Variants in POU2F3 observed in about 807,000 individuals in gnomAD.
POU2F3 encodes the protein POU domain, class 2, transcription factor 3.
Under a neutral mutation model 59.2 loss-of-function variants are expected in POU2F3, and 23 were observed. The observed-to-expected ratio is 0.39, with a 90% CI of 0.28 to 0.55. The LOEUF is 0.55. Among genes scored for constraint, POU2F3 ranks in the 20% least tolerant of loss-of-function variants. The pLI, the probability that POU2F3 is intolerant of heterozygous loss-of-function variation, is 0.66. For synonymous variants in POU2F3, 190 were observed against 214.6 expected, an observed-to-expected ratio of 0.89 and a Z score of 1.00; for missense variants, 473 against 544.5, an observed-to-expected ratio of 0.87 and a Z score of 1.31.
chr11:120,236,732 T>A (rs758903680), upstream of POU2F3: 5 of 1,457,264 alleles, frequency 3.4e-6, no homozygotes, highest in Non-Finnish European at 4.7e-6. Context: ...TACGTTCCCA[T>A]TCTAGCTCAT....
intron 9 of POU2F3, among the ~76,000 whole-genome samples, chr11:120,309,128 C>A (rs1385364935): frequency 6.6e-6 from 1 of 152,022 alleles, no homozygotes; most frequent in South Asian, 2.1e-4. Flanking sequence ...TCTATGGAGA[C>A]CCTACTTTGT....
intron 2 of POU2F3, among the ~76,000 whole-genome samples, chr11:120,261,061 G>A (rs934740219): frequency 6.6e-6 from 1 of 151,710 alleles, no homozygotes; most frequent in African/African-American, 2.4e-5. Flanking sequence ...GTGAGACATT[G>A]TCTCAAAAAA....
chr11:120,282,473 T>C (rs560744090), intron 3 of POU2F3, among the ~76,000 whole-genome samples: 4 of 152,248 alleles, frequency 2.6e-5, no homozygotes, highest in African/African-American at 9.6e-5. Flanking sequence ...CTGGCCAACA[T>C]GGCGAAACCC....
chr11:120,289,573 A>T (rs534543768), intron 3 of POU2F3, among the ~76,000 whole-genome samples: 1 of 152,094 alleles, frequency 6.6e-6, no homozygotes, highest in African/African-American at 2.4e-5. Flanking sequence ...TCCCTCCCCT[A>T]CAGCAGCAGT....
In POU2F3 at chr11:120,317,334, T is replaced by C; in HGVS notation, c.1241T>C (p.Val414Ala). The change falls in exon 12 of 13, where the codon GTG becomes GCG. Residue 414 changes from valine (V) to alanine (A), a missense_variant. By Grantham distance (64) the Val-to-Ala change is moderately conservative (BLOSUM62 0). Transcript: ENST00000543440. Reference protein sequence around the residue: ...TASQNNSKAAVNSASSFNSSG... With the variant: ...TASQNNSKAAANSASSFNSSG... Reference sequence around the variant, plus strand: ...TCTCAAAATAACTCCAAAGCAGCAGTGAACTCCGCCTCCAGTTTTAACTCT... The same window carrying C: ...TCTCAAAATAACTCCAAAGCAGCAGCGAACTCCGCCTCCAGTTTTAACTCT... The C allele has an allele frequency of 6.2e-7, 1 of 1,614,110 alleles. No homozygotes were observed. The highest frequency in any genetic ancestry group is 1.1e-5 in the South Asian group (1 of 91,078).
intron 3 of POU2F3, among the ~76,000 whole-genome samples, chr11:120,272,247 A>C (rs943926461): frequency 6.6e-5 from 10 of 152,156 alleles, no homozygotes; most frequent in African/African-American, 2.4e-4. Context: ...TGAGAGATTA[A>C]ATAACCTGAT....
intron 10 of POU2F3, among the ~76,000 whole-genome samples, chr11:120,311,568 A>C (rs1941648576): frequency 6.6e-6 from 1 of 152,196 alleles, no homozygotes; most frequent in Admixed American, 6.5e-5. Flanking sequence ...CATTTACAGA[A>C]CAAGAAAAGC....
At chr11:120,317,487 C>A in intron 12 of POU2F3, 123 bp downstream of exon 12, 2 of 1,373,416 alleles carry the variant, frequency 1.5e-6, no homozygotes, top group Non-Finnish European at 1.0e-6. Context: ...AATGGGGTGG[C>A]ACAGAGAGGA....
intron 9 of POU2F3, among the ~76,000 whole-genome samples, chr11:120,307,915 T>C (rs1941544455): frequency 1.3e-5 from 2 of 152,178 alleles, no homozygotes; most frequent in African/African-American, 4.8e-5. Flanking sequence ...CAGAACACAG[T>C]GTATCTCCGT....
intron 6 of POU2F3, 88 bp from the exon 7 acceptor site, chr11:120,304,942 T>TAAAAAAAAAAA (rs11443197): frequency 1.8e-5 from 6 of 336,652 alleles, no homozygotes; most frequent in Non-Finnish European, 3.0e-5. Context: ...GGCCTATTAG[T>TAAAAAAAAAAA]AAAAAAAAAA....
intron 3 of POU2F3, among the ~76,000 whole-genome samples, chr11:120,293,475 A>G (rs879458880): frequency 2.0e-5 from 3 of 152,140 alleles, no homozygotes; most frequent in Non-Finnish European, 4.4e-5. Flanking sequence ...CAAAACAGAA[A>G]CTCTTCCTCA....
At chr11:120,295,927 A>G (rs1343967213) in intron 3 of POU2F3, among the ~76,000 whole-genome samples, 1 of 152,214 alleles carries the variant, frequency 6.6e-6, no homozygotes, top group Non-Finnish European at 1.5e-5. Flanking sequence ...TGAAACAGCC[A>G]TCTTCTTACC....
At chr11:120,283,772 CGTGTGTGTGTGTGTGTGTGTGTGT>C (rs36099803) in intron 3 of POU2F3, among the ~76,000 whole-genome samples, 1,528 of 130,442 alleles carry the variant, frequency 0.012, 34 homozygotes, top group African/African-American at 0.042. Context: ...TAATAGGCTT[CGTGTGTGTGTGTGTGTGTGTGTGT>C]GTGTGTGTGT....
intron 10 of POU2F3, among the ~76,000 whole-genome samples, chr11:120,311,416 TG>T (rs1941645107): frequency 6.6e-6 from 1 of 150,942 alleles, no homozygotes; most frequent in Non-Finnish European, 1.5e-5. Flanking sequence ...AATGACAGGG[TG>T]GGAGGGATTC....
At position 120,307,480 on chromosome 11, in the gene POU2F3, G is replaced by T. The variant is rs1260885447; in HGVS notation, c.771G>T (p.Glu257Asp). The T allele has an allele frequency of 6.2e-7, 1 of 1,614,126 alleles. No individual in the cohort carries two copies. The highest frequency in any genetic ancestry group is 8.5e-7 in the Non-Finnish European group (1 of 1,179,986). ...PLLEKWLNDAESSPSDPSVST... is the reference protein window; with the variant it reads ...PLLEKWLNDADSSPSDPSVST... ...CTCTGGTCCTTCGTGTCCCTGCAGAGTCCTCTCCGTCAGACCCCTCAGTGA... is the reference window on the plus strand; with the variant it reads ...CTCTGGTCCTTCGTGTCCCTGCAGATTCCTCTCCGTCAGACCCCTCAGTGA... The change falls in exon 9 of 13, where the codon GAG becomes GAT. Residue 257 changes from glutamate (E) to aspartate (D), a missense_variant and splice_region_variant. By Grantham distance (45) the Glu-to-Asp change is conservative. Transcript: ENST00000543440.
intron 3 of POU2F3, among the ~76,000 whole-genome samples, chr11:120,272,507 T>C (rs1258470540): frequency 6.6e-6 from 1 of 152,144 alleles, no homozygotes; most frequent in Non-Finnish European, 1.5e-5. Flanking sequence ...CCTCTGCATC[T>C]GACACAGACA....
intron 3 of POU2F3, among the ~76,000 whole-genome samples, chr11:120,281,969 G>A (rs757227687): frequency 6.6e-6 from 1 of 152,210 alleles, no homozygotes; most frequent in Non-Finnish European, 1.5e-5. Flanking sequence ...GTGAGTTGTT[G>A]TTATTCCCAT....
At chr11:120,315,913 C>A (rs1159927232) in intron 11 of POU2F3, among the ~76,000 whole-genome samples, 1 of 148,902 alleles carries the variant, frequency 6.7e-6, no homozygotes, top group Non-Finnish European at 1.5e-5. Context: ...ACCCTTGTTG[C>A]CCAGGCTGCA....
chr11:120,318,576 A>G lies in POU2F3; in HGVS notation c.*184A>G, dbSNP rs1208279218. On this transcript the variant is annotated 3_prime_UTR_variant, in exon 13 of 13. Coordinates refer to ENST00000543440, the MANE Select transcript of POU2F3 (RefSeq NM_014352.4). ...CGGAGATCCAAACTGTGATTGAACC[A>G]AGTGCAGACTCCTAATGCTCTTGAA... The G allele has an allele frequency of 9.7e-6, 6 of 617,040 alleles. No individual in the cohort carries two copies. The highest frequency in any genetic ancestry group is 1.4e-5 in the Non-Finnish European group (5 of 350,676). The allele number at this position is 617,040 out of a possible 1,614,324, so 38.2% of individuals were successfully genotyped here.
Sources: gnomAD v4.1 joint callset for allele counts (sites outside exome capture counted in the v4.1 genomes callset) on GRCh38, gnomAD v4.1.1 for gene constraint, MANE v1.5 for transcripts, NCBI Gene and HGNC (gene_info 2026-07-23, HGNC 2026-07-21) for gene names.